CEP83: variants seen among roughly 807,000 people sequenced by gnomAD.
CEP83 encodes centrosomal protein of 83 kDa.
A neutral mutation model predicts 101.9 loss-of-function variants in CEP83; 70 were observed. That is an observed-to-expected ratio of 0.69 (90% CI 0.57 to 0.84). The LOEUF (loss-of-function observed/expected upper bound fraction) is 0.84. Ranked by LOEUF, CEP83 falls within the 40% of genes least tolerant of loss-of-function variation. The probability of loss-of-function intolerance (pLI) is 0.00; values close to 1 mark genes in which losing one functional copy is unlikely to be tolerated. For missense variants in CEP83, 715 were observed against 787.2 expected (o/e 0.91, Z 1.10); for synonymous variants, 264 against 267.9 (o/e 0.99, Z 0.14).
chr12:94,267,932 T>TG, the CEP83 span, among the ~76,000 whole-genome samples: 10 of 152,052 alleles, frequency 6.6e-5, no homozygotes, highest in Non-Finnish European at 1.3e-4. Context: ...TTGCCTGAGG[T>TG]GGTTTATGTA....
chr12:94,416,508 A>G (rs2064274249), intron 2 of CEP83, among the ~76,000 whole-genome samples: 1 of 151,978 alleles, frequency 6.6e-6, no homozygotes, highest in Admixed American at 6.6e-5. Flanking sequence ...GAGCCTAGCA[A>G]GATAATATGT....
intron 11 of CEP83, among the ~76,000 whole-genome samples, chr12:94,344,118 C>G (rs747987113): frequency 3.9e-5 from 6 of 152,184 alleles, no homozygotes; most frequent in Non-Finnish European, 7.4e-5. Context: ...GTCTCCAAAA[C>G]TGTAAGAAAA....
At chr12:94,268,871 A>G in the CEP83 span, among the ~76,000 whole-genome samples, 1 of 152,136 alleles carries the variant, frequency 6.6e-6, no homozygotes, top group African/African-American at 2.4e-5. Flanking sequence ...CTGGGATTAC[A>G]GGTGTGAGCA....
At position 94,308,557 on chromosome 12, in the gene CEP83, T is replaced by C. The variant is rs2136263050; in HGVS notation, c.*256A>G. On this transcript the variant is annotated 3_prime_UTR_variant, in exon 17 of 17. Transcript: ENST00000397809. ...AATTTTAAAACTTGACTCTAACTAG[T>C]TCCTTTTTGTTTTACATTCTCAAAC... 1 of 268,546 alleles carries C rather than the reference T, an allele frequency of 3.7e-6. No individual in the cohort carries two copies. Among genetic ancestry groups the C allele is most frequent in the South Asian group, 8.1e-5 (1 of 12,298 alleles). The allele number at this position is 268,546 out of a possible 1,614,324, so 16.6% of individuals were successfully genotyped here. A position where few individuals can be genotyped will look rare whatever the true frequency, so the allele number is the denominator to read the frequency against.
chr12:94,376,684 C>CATAT (rs201819101), intron 7 of CEP83, among the ~76,000 whole-genome samples: 23 of 133,554 alleles, frequency 1.7e-4, no homozygotes, highest in African/African-American at 5.4e-4. Flanking sequence ...AATATATATA[C>CATAT]ATATATACAC....
chr12:94,403,513 A>G (rs1451625439), intron 4 of CEP83, among the ~76,000 whole-genome samples: 1 of 152,194 alleles, frequency 6.6e-6, no homozygotes, highest in Admixed American at 6.5e-5. Flanking sequence ...TATTATTGCT[A>G]TTGTTAGGAA....
At chr12:94,268,951 T>C in the CEP83 span, among the ~76,000 whole-genome samples, 1 of 152,086 alleles carries the variant, frequency 6.6e-6, no homozygotes, top group Admixed American at 6.6e-5. Flanking sequence ...ATTTTGAACA[T>C]GTTTGATTTT....
rs150983795 is a variant in CEP83 at position 94,380,591 on chromosome 12, G to GTT, written c.550-1551_550-1550dup. ...TGGGCTAGCTGATCTTTAAGATACTGTTTACCTTTTACATGAGGTAACCTG... is the reference window on the plus strand; with the variant it reads ...TGGGCTAGCTGATCTTTAAGATACTGTTTTTACCTTTTACATGAGGTAACCTG... On this transcript the variant is annotated intron_variant, in intron 6 of 16. Transcript: ENST00000397809. Among the ~76,000 whole-genome samples, 39 of 152,180 alleles carry GTT rather than the reference G, an allele frequency of 2.6e-4. No homozygotes were observed. In the East Asian group the frequency reaches 7.1e-3, roughly 28 times the overall value.
At chr12:94,364,047 G>A (rs985910607) in intron 11 of CEP83, among the ~76,000 whole-genome samples, 1 of 151,090 alleles carries the variant, frequency 6.6e-6, no homozygotes, top group African/African-American at 2.4e-5. Context: ...AAGGTATGTA[G>A]AGCAGTCAAA....
chr12:94,434,118 C>T (rs957498916), intron 2 of CEP83: 3 of 152,198 alleles, frequency 2.0e-5, no homozygotes, highest in Non-Finnish European at 4.4e-5. Context: ...TGCTACTCCT[C>T]CTCATTCTTT....
At chr12:94,315,603 T>C (rs1251788638) in intron 14 of CEP83, among the ~76,000 whole-genome samples, 1 of 152,124 alleles carries the variant, frequency 6.6e-6, no homozygotes, top group Non-Finnish European at 1.5e-5. Flanking sequence ...ACATCAATCA[T>C]GTATTTTATA....
chr12:94,358,981 A>G (rs2060614242), intron 11 of CEP83, among the ~76,000 whole-genome samples: 2 of 152,262 alleles, frequency 1.3e-5, no homozygotes, highest in African/African-American at 4.8e-5. Flanking sequence ...CGCCCAGGGC[A>G]GAAAACTGCT....
rs568612344 is a variant in CEP83, at chr12:94,356,857, T to C, written c.1343+10937A>G. 6.6e-5 allele frequency among the ~76,000 whole-genome samples: 10 copies of C among 152,254 alleles called. No homozygotes were observed. The East Asian group carries it at 1.9e-3, about 29-fold the overall frequency. ...CTGCTCGCAATGCCCAGGCCCAACCTCAAATTAATATAACTGCAGACCAAC... is the reference window on the plus strand; with the variant it reads ...CTGCTCGCAATGCCCAGGCCCAACCCCAAATTAATATAACTGCAGACCAAC... On this transcript the variant is annotated intron_variant, in intron 11 of 16. Transcript: ENST00000397809.
At chr12:94,347,934 A>G (rs1206123464) in intron 11 of CEP83, among the ~76,000 whole-genome samples, 1 of 152,162 alleles carries the variant, frequency 6.6e-6, no homozygotes, top group Non-Finnish European at 1.5e-5. Flanking sequence ...TAACAATAAA[A>G]CTATAGAAAC....
intron 6 of CEP83, among the ~76,000 whole-genome samples, chr12:94,397,042 T>G (rs145689091): frequency 6.6e-6 from 1 of 152,344 alleles, no homozygotes; most frequent in African/African-American, 2.4e-5. Context: ...TGAACAAAAG[T>G]AAATCCACAA....
At chr12:94,398,151 C>A (rs1218942825) in intron 6 of CEP83, among the ~76,000 whole-genome samples, 4 of 152,200 alleles carry the variant, frequency 2.6e-5, no homozygotes, top group Non-Finnish European at 5.9e-5. Context: ...TGGTCTCCCC[C>A]ACTCCTTCTT....
rs1053664102 is a variant in CEP83, at chr12:94,355,662, A to G, written c.1343+12132T>C. Among the ~76,000 whole-genome samples, 5 of 152,348 alleles carry G rather than the reference A, an allele frequency of 3.3e-5. No homozygotes were observed. In the East Asian group the frequency reaches 9.6e-4, roughly 29 times the overall value. On this transcript the variant is annotated intron_variant, in intron 11 of 16. Transcript: ENST00000397809. ...ATAAATAAAATCTCTGCAGCAATGT[A>G]ACATGTCCATAATGGCCATAATGTC... is the stretch of plus-strand genomic sequence containing the variant.
At chr12:94,451,920 G>C (rs936651446) in intron 1 of CEP83, among the ~76,000 whole-genome samples, 6 of 152,014 alleles carry the variant, frequency 3.9e-5, no homozygotes, top group Non-Finnish European at 7.4e-5. Flanking sequence ...CTAGTGAATG[G>C]GAAATACTAT....
At position 94,378,878 on chromosome 12, in the gene CEP83, C is replaced by A. The variant is rs1264656782; in HGVS notation, c.714G>T (p.Lys238Asn). ...EAEVAELKAE[K>N]ENSEAQVENA... ...TTTCCACCTGAGCCTCAGAATTCTC[C>A]TTTTCAGCCTTTAATTCCGCTACTT... The change falls in exon 7 of 17, where the codon AAG (lysine) becomes AAT (asparagine). Residue 238 changes from lysine to asparagine, a missense_variant. By Grantham distance (94) the Lys-to-Asn change is moderately conservative. Transcript: ENST00000397809. The A allele has an allele frequency of 4.3e-6, 7 of 1,614,078 alleles. No homozygotes were observed. The South Asian group carries it at 6.6e-5, about 15-fold the overall frequency.
Sources: allele counts gnomAD v4.1 joint callset (sites outside exome capture counted in the v4.1 genomes callset), GRCh38; gene constraint gnomAD v4.1.1; transcripts MANE v1.5; gene names NCBI Gene and HGNC (gene_info 2026-07-23, HGNC 2026-07-21).